ADAMTS2: variants seen among roughly 807,000 people sequenced by gnomAD.
ADAMTS2 encodes ADAM metallopeptidase with thrombospondin type 1 motif 2, also known as A disintegrin and metalloproteinase with thrombospondin motifs 2.
Under a neutral mutation model 123.0 loss-of-function variants are expected in ADAMTS2, and 50 were observed. The observed-to-expected ratio is 0.41, with a 90% CI of 0.32 to 0.51. The LOEUF (loss-of-function observed/expected upper bound fraction) is 0.51. Ranked by LOEUF, ADAMTS2 falls within the 20% of genes least tolerant of loss-of-function variation. The probability of loss-of-function intolerance (pLI) is 0.35; values close to 1 mark genes in which losing one functional copy is unlikely to be tolerated. For missense variants in ADAMTS2, 1,494 were observed against 1,705.2 expected, an observed-to-expected ratio of 0.88 and a Z score of 2.18; for synonymous variants, 678 against 695.4, an observed-to-expected ratio of 0.98 and a Z score of 0.39.
chr5:179,329,796 G>A (rs998014012), intron 2 of ADAMTS2, among the ~76,000 whole-genome samples: 6 of 152,196 alleles, frequency 3.9e-5, no homozygotes, highest in Non-Finnish European at 8.8e-5. Flanking sequence ...AGCTTCAGAG[G>A]AGGAAAGTTG....
rs1034137466 is a variant in ADAMTS2 at position 179,317,546 on chromosome 5, A to G, written c.534+26221T>C. Among the ~76,000 whole-genome samples, 6 of 151,590 alleles carry G rather than the reference A, an allele frequency of 4.0e-5. No homozygotes were observed. The highest frequency in any genetic ancestry group is 8.8e-5 in the Non-Finnish European group (6 of 67,906). ...GCCATCCCAGCGACACTGTGTGGGG[A>G]CTCCTGCACCTCTTCCTGCTGCCCA... On this transcript the variant is annotated intron_variant, in intron 2 of 21. Transcript: ENST00000251582. This position sits in a 1 kb window ranked among gnomAD's most constrained non-coding sequence, Gnocchi z 4.9.
rs752356662 is a variant in ADAMTS2 at position 179,132,357 on chromosome 5, C to T, written c.2210-47G>A. On this transcript the variant is annotated intron_variant, in intron 14 of 21. Transcript: ENST00000251582. This position sits in a 1 kb window ranked among gnomAD's most constrained non-coding sequence, Gnocchi z 6.1. Reference sequence around the variant, plus strand: ...ACAGAAAACTGAGAAGGGAAGGCGCCGCTCAAATTCGCACCATGCAAGGAG... The same window carrying T: ...ACAGAAAACTGAGAAGGGAAGGCGCTGCTCAAATTCGCACCATGCAAGGAG... The T allele has an allele frequency of 5.1e-6, 8 of 1,564,774 alleles. No individual in the cohort carries two copies. The highest frequency in any genetic ancestry group is 1.7e-4 in the Middle Eastern group (1 of 5,984).
rs1400281876 is a variant in ADAMTS2 at position 179,139,996 on chromosome 5, T to C, written c.1669A>G (p.Ile557Val). 2.5e-6 allele frequency: 4 copies of C among 1,614,114 alleles called. No individual in the cohort carries two copies. Among genetic ancestry groups the C allele is most frequent in the Non-Finnish European group, 3.4e-6 (4 of 1,180,020 alleles). The change falls in exon 11 of 22, where the codon ATC becomes GTC. Residue 557 changes from isoleucine (I) to valine (V), a missense_variant. Around this residue, in one of 6 missense-constraint regions of ADAMTS2, gnomAD observed 953 missense variants for 1,124.7 expected, o/e 0.85. Transcript: ENST00000251582. ...CCCCAGCTGCCGTCCCGTTTGAGGA[T>C]GTCAGGTGTCAGCCAGATGCAGTGT... ...KGHCIWLTPD[I>V]LKRDGSWGAW...
At chr5:179,203,306 C>T (rs1276340908) in intron 4 of ADAMTS2, among the ~76,000 whole-genome samples, 4 of 152,370 alleles carry the variant, frequency 2.6e-5, no homozygotes, top group African/African-American at 9.6e-5. Context: ...GGGCTGGCCC[C>T]CAGACCCCGG....
rs924272053 is a variant in ADAMTS2 at position 179,132,509 on chromosome 5, C to T, written c.2210-199G>A. 1.3e-5 allele frequency among the ~76,000 whole-genome samples: 2 copies of T among 152,134 alleles called. No individual in the cohort carries two copies. Among genetic ancestry groups the T allele is most frequent in the Non-Finnish European group, 2.9e-5 (2 of 68,018 alleles). On this transcript the variant is annotated intron_variant, in intron 14 of 21. Transcript: ENST00000251582. This position sits in a 1 kb window ranked among gnomAD's most constrained non-coding sequence, Gnocchi z 6.1. Reference sequence around the variant, plus strand: ...TGCCTCCAGGCTAGTCTTTAAGGCCCAACCCGGGCATCCTCATATACTGGC... The same window carrying T: ...TGCCTCCAGGCTAGTCTTTAAGGCCTAACCCGGGCATCCTCATATACTGGC...
At chr5:179,290,926 T>G (rs1042692676) in intron 2 of ADAMTS2, among the ~76,000 whole-genome samples, 18 of 152,338 alleles carry the variant, frequency 1.2e-4, no homozygotes, top group Admixed American at 3.3e-4. Flanking sequence ...AGAGGGCCTA[T>G]GCCTGAGCCA....
At chr5:179,298,083 C>T (rs1756392920) in intron 2 of ADAMTS2, among the ~76,000 whole-genome samples, 1 of 152,140 alleles carries the variant, frequency 6.6e-6, no homozygotes, top group Non-Finnish European at 1.5e-5. Flanking sequence ...CACCAGAGGC[C>T]AGGGTCCCCT....
chr5:179,277,374 A>C (rs1766737004), intron 2 of ADAMTS2, among the ~76,000 whole-genome samples: 2 of 9,660 alleles, frequency 2.1e-4, no homozygotes, highest in African/African-American at 8.0e-4. Context: ...ACCCCCCGAG[A>C]CCAAAGGCTG....
In ADAMTS2 at chr5:179,345,227, G is replaced by GGGCGGC. The variant is rs770212030; in HGVS notation, c.96_101dup (p.Pro33_Pro34dup). ...CGGCGGCGGCGAGCCTGGCGTTCGC[G>GGGCGGC]GGCGGCGGCGGCGGCGGCAGGAGCG... On this transcript the variant is annotated inframe_insertion, in exon 1 of 22. Coordinates refer to ENST00000251582, the MANE Select transcript of ADAMTS2 (RefSeq NM_014244.5). This position sits in a 1 kb window ranked among gnomAD's most constrained non-coding sequence, Gnocchi z 7.5. 8.0e-6 allele frequency: 9 copies of GGGCGGC among 1,119,530 alleles called. No homozygotes were observed. The highest frequency in any genetic ancestry group is 1.0e-4 in the East Asian group (2 of 19,610). 69.3% of individuals were successfully genotyped at this position (1,119,530 alleles called of 1,614,324 possible). A position where few individuals can be genotyped will look rare whatever the true frequency, so the allele number is the denominator to read the frequency against.
chr5:179,318,161 A>G (rs1005661391), intron 2 of ADAMTS2, among the ~76,000 whole-genome samples: 8 of 152,204 alleles, frequency 5.3e-5, no homozygotes, highest in Non-Finnish European at 1.2e-4. Flanking sequence ...AGCCACTCTC[A>G]TGGAGACTCT....
intron 2 of ADAMTS2, among the ~76,000 whole-genome samples, chr5:179,286,874 T>A (rs1050090220): frequency 1.3e-5 from 2 of 152,154 alleles, no homozygotes; most frequent in African/African-American, 4.8e-5. Flanking sequence ...CACATGGCCG[T>A]CCCCCTGTGT....
At position 179,128,667 on chromosome 5, in the gene ADAMTS2, A is replaced by G. The variant is rs1385663896; in HGVS notation, c.2458-549T>C. 1.3e-5 allele frequency among the ~76,000 whole-genome samples: 2 copies of G among 152,140 alleles called. No individual in the cohort carries two copies. Among genetic ancestry groups the G allele is most frequent in the Non-Finnish European group, 2.9e-5 (2 of 68,036 alleles). On this transcript the variant is annotated intron_variant, in intron 16 of 21. Coordinates refer to ENST00000251582, the MANE Select transcript of ADAMTS2 (RefSeq NM_014244.5). This position sits in a 1 kb window ranked among gnomAD's most constrained non-coding sequence, Gnocchi z 4.9. The stretch of plus-strand genomic sequence containing the variant: ...CTCGGCCTCCCAAAGTACTGGGATT[A>G]CAGGCATGAGCCACTGCGCCTGGCC...
intron 10 of ADAMTS2, among the ~76,000 whole-genome samples, chr5:179,140,799 C>CTTTT (rs770094463): frequency 0.15 from 13,400 of 89,870 alleles, 2,024 homozygotes; most frequent in African/African-American, 0.2. Context: ...ACTGCATGCT[C>CTTTT]TTTTTTTTTT....
At position 179,257,349 on chromosome 5, in the gene ADAMTS2, G is replaced by A. The variant is rs527779108; in HGVS notation, c.688+15562C>T. Among the ~76,000 whole-genome samples the A allele has an allele frequency of 5.9e-5, 9 of 152,330 alleles. No individual in the cohort carries two copies. In the East Asian group the frequency reaches 1.3e-3, roughly 23 times the overall value. On this transcript the variant is annotated intron_variant, in intron 3 of 21. Coordinates refer to ENST00000251582, the MANE Select transcript of ADAMTS2 (RefSeq NM_014244.5). ...ATCGGCCGTTTGCTCTCCAGGCTGC[G>A]GGGGCCTGGAGGACATCCAGGCACG...
At chr5:179,141,147 C>T (rs12522721) in intron 10 of ADAMTS2, among the ~76,000 whole-genome samples, 27,098 of 152,014 alleles carry the variant, frequency 0.18, 3,025 homozygotes, top group Non-Finnish European at 0.25. Context: ...CTTTGTATGA[C>T]CTAATTTTGT....
chr5:179,251,662 T>C (rs1351440068), intron 3 of ADAMTS2, among the ~76,000 whole-genome samples: 1 of 152,162 alleles, frequency 6.6e-6, no homozygotes, highest in African/African-American at 2.4e-5. Flanking sequence ...TGTGTTATCA[T>C]GTGAGCCAGC....
chr5:179,195,043 C>T (rs761120287), intron 4 of ADAMTS2, among the ~76,000 whole-genome samples: 2 of 152,186 alleles, frequency 1.3e-5, no homozygotes, highest in African/African-American at 2.4e-5. Flanking sequence ...GAGGCAACTG[C>T]GGTGGCCCTT....
chr5:179,134,805 TCCCGGCTCC>T (rs1561771709), intron 13 of ADAMTS2, among the ~76,000 whole-genome samples: 925 of 52,600 alleles, frequency 0.018, 22 homozygotes, highest in Middle Eastern at 0.037. Context: ...AGCCCCCAGC[TCCCGGCTCC>T]AGCCCCCAGC....
intron 6 of ADAMTS2, among the ~76,000 whole-genome samples, chr5:179,157,245 C>T (rs763147176): frequency 6.6e-6 from 1 of 152,174 alleles, no homozygotes; most frequent in African/African-American, 2.4e-5. Flanking sequence ...CCACCACACC[C>T]AGCCAATTTC....
Sources: gnomAD v4.1 joint callset for allele counts (sites outside exome capture counted in the v4.1 genomes callset) on GRCh38, gnomAD v4.1.1 for gene constraint, gnomAD v4.1.1 regional missense constraint, Gnocchi (gnomAD v3.1) non-coding constraint, MANE v1.5 for transcripts, NCBI Gene and HGNC (gene_info 2026-07-23, HGNC 2026-07-21) for gene names.